The following CHN2 variants were observed in gnomAD, a reference collection of about 807,000 sequenced individuals.
CHN2 encodes chimerin 2, also known as beta-chimaerin.
A neutral mutation model predicts 56.3 loss-of-function variants in CHN2; 35 were observed. That is an observed-to-expected ratio of 0.62 (90% CI 0.47 to 0.82). The LOEUF (loss-of-function observed/expected upper bound fraction) is 0.82, where lower values mean the gene tolerates loss of function less well. Among genes scored for constraint, CHN2 ranks in the 40% least tolerant of loss-of-function variants. CHN2 has a pLI of 0.00. For missense variants in CHN2, 491 were observed against 580.5 expected, an observed-to-expected ratio of 0.85 and a Z score of 1.58; for synonymous variants, 210 against 212.8, an observed-to-expected ratio of 0.99 and a Z score of 0.12.
intron 2 of CHN2, among the ~76,000 whole-genome samples, chr7:29,155,720 C>T (rs903936706): frequency 2.0e-5 from 3 of 152,154 alleles, no homozygotes; most frequent in South Asian, 2.1e-4. Flanking sequence ...CAAGGTCAAC[C>T]GTGGACAGTC....
At chr7:29,200,943 C>A (rs1360238324) in intron 1 of CHN2, among the ~76,000 whole-genome samples, 1 of 152,080 alleles carries the variant, frequency 6.6e-6, no homozygotes, top group Non-Finnish European at 1.5e-5. Flanking sequence ...CTGGGAGGGC[C>A]AGCCACTAGC....
At chr7:29,325,561 T>G (rs1002829239) in intron 1 of CHN2, among the ~76,000 whole-genome samples, 6 of 152,230 alleles carry the variant, frequency 3.9e-5, no homozygotes, top group African/African-American at 1.2e-4. Context: ...AATGTTACTT[T>G]CAGTCTTTAA....
intron 6 of CHN2, among the ~76,000 whole-genome samples, chr7:29,409,888 A>G (rs1289948121): frequency 6.6e-6 from 1 of 152,162 alleles, no homozygotes; most frequent in East Asian, 1.9e-4. Context: ...TTGTCCCACC[A>G]CTTTTATCAC....
chr7:29,215,807 G>A (rs1785293554), intron 1 of CHN2, among the ~76,000 whole-genome samples: 1 of 151,914 alleles, frequency 6.6e-6, no homozygotes, highest in South Asian at 2.1e-4. Context: ...CATAACCTAT[G>A]GGACAAAGCG....
chr7:29,346,160 G>A lies in CHN2; in HGVS notation c.50-8465G>A, dbSNP rs140164036. Among the ~76,000 whole-genome samples the A allele has an allele frequency of 1.1e-4, 16 of 152,234 alleles. No individual in the cohort carries two copies. In the East Asian group the frequency reaches 2.7e-3, roughly 26 times the overall value. On this transcript the variant is annotated intron_variant, in intron 1 of 12. Coordinates refer to ENST00000222792, the MANE Select transcript of CHN2 (RefSeq NM_004067.4). Reference sequence around the variant, plus strand: ...GTCAGGATGACCTCCAGGTAGTCTCGCAGCTCAGGCCTGGCACCATTTGGC... The same window carrying A: ...GTCAGGATGACCTCCAGGTAGTCTCACAGCTCAGGCCTGGCACCATTTGGC...
chr7:29,325,731 T>TA (rs1482128128), intron 1 of CHN2, among the ~76,000 whole-genome samples: 1 of 152,216 alleles, frequency 6.6e-6, no homozygotes, highest in Admixed American at 6.5e-5. Flanking sequence ...ATTGCTCACT[T>TA]ACGGCTGGTC....
intron 2 of CHN2, among the ~76,000 whole-genome samples, chr7:29,358,462 T>TTTA (rs1310587849): frequency 1.3e-5 from 2 of 151,956 alleles, no homozygotes; most frequent in East Asian, 1.9e-4. Flanking sequence ...TATTTATTTA[T>TTTA]TTATTTATTT....
At chr7:29,455,694 G>A (rs1271238192) in intron 6 of CHN2, among the ~76,000 whole-genome samples, 1 of 152,168 alleles carries the variant, frequency 6.6e-6, no homozygotes, top group Non-Finnish European at 1.5e-5. Context: ...GTTGGGGAGG[G>A]GTGTCATGGG....
chr7:29,323,500 C>T (rs1242038252), intron 1 of CHN2, among the ~76,000 whole-genome samples: 1 of 152,166 alleles, frequency 6.6e-6, no homozygotes, highest in Non-Finnish European at 1.5e-5. Context: ...GGGATTCTTC[C>T]TGCCTGCTAC....
chr7:29,226,196 G>A (rs1387991383), intron 1 of CHN2, among the ~76,000 whole-genome samples: 2 of 151,994 alleles, frequency 1.3e-5, no homozygotes, highest in African/African-American at 4.8e-5. Context: ...GAAAAATGAA[G>A]GGAAATTTAA....
chr7:29,403,262 G>A lies in CHN2; in HGVS notation c.576+2434G>A, dbSNP rs534678029. ...TTAAAGGCAGTCAGTGGTCCATTGC[G>A]ATGGAGTCAGTGACTAGAAAAGAGG... On this transcript the variant is annotated intron_variant, in intron 6 of 12. Transcript: ENST00000222792. Among the ~76,000 whole-genome samples the A allele has an allele frequency of 3.6e-4, 53 of 147,848 alleles. 1 individual carries two copies. In the South Asian group the frequency reaches 7.6e-3, roughly 21 times the overall value.
chr7:29,161,859 C>T (rs748669337), intron 2 of CHN2, among the ~76,000 whole-genome samples: 92 of 151,916 alleles, frequency 6.1e-4, no homozygotes, highest in Non-Finnish European at 1.0e-3. Context: ...TTAAATGGGC[C>T]AAAGAGTTGA....
At chr7:29,326,749 C>A (rs1795831922) in intron 1 of CHN2, among the ~76,000 whole-genome samples, 3 of 152,106 alleles carry the variant, frequency 2.0e-5, no homozygotes, top group Non-Finnish European at 4.4e-5. Flanking sequence ...ATATTGAGCT[C>A]CTTGAGAGCA....
chr7:29,235,817 A>G (rs989041273), intron 1 of CHN2, among the ~76,000 whole-genome samples: 1 of 152,206 alleles, frequency 6.6e-6, no homozygotes, highest in South Asian at 2.1e-4. Flanking sequence ...GTTCTCACTT[A>G]TAAGTGGGAG....
intron 6 of CHN2, among the ~76,000 whole-genome samples, chr7:29,448,261 GT>G (rs535595802): frequency 6.3e-4 from 94 of 148,352 alleles, no homozygotes; most frequent in East Asian, 4.7e-3. Flanking sequence ...AACTTTCTGG[GT>G]TTTTTTTTTC....
chr7:29,213,223 TGA>T, intron 1 of CHN2: 2 of 1,133,486 alleles, frequency 1.8e-6, no homozygotes, highest in Non-Finnish European at 2.6e-6. Flanking sequence ...TGAAGATGAG[TGA>T]AATTGATATT....
At chr7:29,299,543 T>C (rs1793474854) in intron 1 of CHN2, among the ~76,000 whole-genome samples, 1 of 152,150 alleles carries the variant, frequency 6.6e-6, no homozygotes. Context: ...ATTGTGCTCA[T>C]ACATCAAATA....
At chr7:29,411,675 G>C (rs147092198) in intron 6 of CHN2, among the ~76,000 whole-genome samples, 118 of 152,198 alleles carry the variant, frequency 7.8e-4, no homozygotes, top group African/African-American at 2.5e-3. Flanking sequence ...CCCTCTTTCT[G>C]CTTGGCTCAA....
chr7:29,290,374 G>A (rs772642480), intron 1 of CHN2, among the ~76,000 whole-genome samples: 2 of 152,176 alleles, frequency 1.3e-5, no homozygotes, highest in African/African-American at 4.8e-5. Flanking sequence ...TGTGGATAGC[G>A]AATCTCTGCT....
Sources: allele counts gnomAD v4.1 joint callset (sites outside exome capture counted in the v4.1 genomes callset), GRCh38; gene constraint gnomAD v4.1.1; transcripts MANE v1.5; gene names NCBI Gene and HGNC (gene_info 2026-07-23, HGNC 2026-07-21).